The following CTIF variants were observed in gnomAD, a reference collection of about 807,000 sequenced individuals.
The protein encoded by CTIF is CBP80/20-dependent translation initiation factor.
A neutral mutation model predicts 66.0 loss-of-function variants in CTIF; 21 were observed. That is an observed-to-expected ratio of 0.32 (90% CI 0.23 to 0.46). CTIF has a LOEUF of 0.46. Among genes scored for constraint, CTIF ranks in the 20% least tolerant of loss-of-function variants. CTIF has a pLI of 1.00. For synonymous variants in CTIF, 345 were observed against 326.4 expected (o/e 1.06, Z -0.62); for missense variants, 739 against 812.7 (o/e 0.91, Z 1.10).
chr18:48,666,172 C>G (rs2144941266), intron 5 of CTIF, among the ~76,000 whole-genome samples: 1 of 152,206 alleles, frequency 6.6e-6, no homozygotes, highest in East Asian at 1.9e-4. Context: ...ACTGATGACC[C>G]TTACTTTTCC....
chr18:48,624,731 C>T (rs1320974448), intron 2 of CTIF, among the ~76,000 whole-genome samples: 1 of 152,190 alleles, frequency 6.6e-6, no homozygotes, highest in African/African-American at 2.4e-5. Flanking sequence ...CTCTGATTGC[C>T]ACAGTGGGAG....
At chr18:48,585,175 C>T (rs2089740047) in intron 1 of CTIF, among the ~76,000 whole-genome samples, 1 of 152,244 alleles carries the variant, frequency 6.6e-6, no homozygotes, top group South Asian at 2.1e-4. Flanking sequence ...TGTGCCAGGG[C>T]AGACCAAGCT....
intron 1 of CTIF, among the ~76,000 whole-genome samples, chr18:48,619,111 G>C (rs376407709): frequency 6.6e-6 from 1 of 152,250 alleles, no homozygotes; most frequent in Non-Finnish European, 1.5e-5. Flanking sequence ...TTTGTGTCTC[G>C]GGCCCCATTG....
At chr18:48,741,738 T>C (rs2092556558) in intron 7 of CTIF, among the ~76,000 whole-genome samples, 1 of 152,128 alleles carries the variant, frequency 6.6e-6, no homozygotes, top group African/African-American at 2.4e-5. Context: ...CAAGGCCATC[T>C]TTAAGAGGCC....
intron 10 of CTIF, among the ~76,000 whole-genome samples, chr18:48,854,362 C>T (rs898485301): frequency 2.6e-5 from 4 of 152,092 alleles, no homozygotes; most frequent in Admixed American, 2.0e-4. Flanking sequence ...GTCTAAACAC[C>T]AGCTATGGAG....
chr18:48,753,574 AAGC>A (rs1908044410), intron 7 of CTIF, among the ~76,000 whole-genome samples: 1 of 151,976 alleles, frequency 6.6e-6, no homozygotes. Context: ...ACGATGGAAA[AAGC>A]ATAAACCGAC....
At chr18:48,740,204 T>A (rs1175500449) in intron 7 of CTIF, among the ~76,000 whole-genome samples, 1 of 152,212 alleles carries the variant, frequency 6.6e-6, no homozygotes, top group African/African-American at 2.4e-5. Context: ...TTTCTCTCTC[T>A]GCTCAGCCCC....
chr18:48,796,427 T>C (rs1024142228), intron 9 of CTIF, among the ~76,000 whole-genome samples: 1 of 152,112 alleles, frequency 6.6e-6, no homozygotes, highest in Non-Finnish European at 1.5e-5. Flanking sequence ...CTGCCCGCCT[T>C]GGCCTCCCAA....
chr18:48,654,449 A>T (rs1353905861), intron 3 of CTIF, among the ~76,000 whole-genome samples: 1 of 152,188 alleles, frequency 6.6e-6, no homozygotes, highest in African/African-American at 2.4e-5. Context: ...AGTTAGAATG[A>T]CAATCATTAA....
chr18:48,620,693 G>T lies in CTIF; in HGVS notation c.180+948G>T, dbSNP rs979048340. Among the ~76,000 whole-genome samples, 5 of 152,274 alleles carry T rather than the reference G, an allele frequency of 3.3e-5. No homozygotes were observed. The East Asian group carries it at 7.7e-4, about 24-fold the overall frequency. ...AGTCCCCTGTCTTATCTGGAGTCAG[G>T]GTTCTGGGGATCCGCCTCTCGTGCG... is the stretch of plus-strand genomic sequence containing the variant. On this transcript the variant is annotated intron_variant, in intron 2 of 11. Coordinates refer to ENST00000256413, the MANE Select transcript of CTIF (RefSeq NM_014772.3).
In CTIF at chr18:48,663,742, T is replaced by C. The variant is rs1374306626; in HGVS notation, c.253-10T>C. On this transcript the variant is annotated splice_polypyrimidine_tract_variant and intron_variant, in intron 3 of 11. Transcript: ENST00000256413. ...ATTAATGTCAGCCCTTTCACCCCCA[T>C]CTCTTCCAGAATGGCAGCAAAGACA... 6.2e-7 allele frequency: 1 copy of C among 1,613,634 alleles called. No individual in the cohort carries two copies.
rs1235836968 is a variant in CTIF at position 48,859,828 on chromosome 18, T to C, written c.*269T>C. ...TTCCTGGTGGCCCTGGCCCTCCCCTTCCTCACTCCCGCCTCTCCCCTCCCC... is the reference window on the plus strand; with the variant it reads ...TTCCTGGTGGCCCTGGCCCTCCCCTCCCTCACTCCCGCCTCTCCCCTCCCC... On this transcript the variant is annotated 3_prime_UTR_variant, in exon 12 of 12. Coordinates refer to ENST00000256413, the MANE Select transcript of CTIF (RefSeq NM_014772.3). 4 of 626,544 alleles carry C rather than the reference T, an allele frequency of 6.4e-6. No homozygotes were observed. Among genetic ancestry groups the C allele is most frequent in the Non-Finnish European group, 1.2e-5 (4 of 336,036 alleles). The allele number at this position is 626,544 out of a possible 1,614,324, so 38.8% of individuals were successfully genotyped here.
At chr18:48,639,023 C>G (rs1482948502) in intron 3 of CTIF, among the ~76,000 whole-genome samples, 1 of 152,216 alleles carries the variant, frequency 6.6e-6, no homozygotes, top group Admixed American at 6.5e-5. Flanking sequence ...ATGTCTACTT[C>G]CGAGAAGTGG....
chr18:48,584,005 C>A (rs1401025459), intron 1 of CTIF, among the ~76,000 whole-genome samples: 1 of 152,154 alleles, frequency 6.6e-6, no homozygotes, highest in Non-Finnish European at 1.5e-5. Context: ...ACCCTTACAG[C>A]ACCTTTGTGA....
chr18:48,599,883 G>A (rs781305009), intron 1 of CTIF, among the ~76,000 whole-genome samples: 16 of 152,310 alleles, frequency 1.1e-4, no homozygotes, highest in South Asian at 8.3e-4. Context: ...AGAGGGTGCC[G>A]TGACCCAGCC....
chr18:48,664,687 C>A, intron 5 of CTIF, 136 bp downstream of exon 5: 1 of 692,220 alleles, frequency 1.4e-6, no homozygotes, highest in Non-Finnish European at 2.4e-6. Flanking sequence ...CTTATGCGTC[C>A]CAGAGCTGCA....
chr18:48,767,291 C>T (rs892966132), intron 9 of CTIF, among the ~76,000 whole-genome samples: 32 of 152,128 alleles, frequency 2.1e-4, no homozygotes, highest in Non-Finnish European at 3.4e-4. Flanking sequence ...AAGTGAAGAA[C>T]GAGTGTGCCT....
chr18:48,587,937 T>C (rs186935143), intron 1 of CTIF, among the ~76,000 whole-genome samples: 171 of 152,352 alleles, frequency 1.1e-3, no homozygotes, highest in African/African-American at 4.0e-3. Flanking sequence ...ACCAAAGGCA[T>C]CTTGGGGTCT....
At chr18:48,772,046 T>C (rs772367282) in intron 9 of CTIF, among the ~76,000 whole-genome samples, 7 of 152,142 alleles carry the variant, frequency 4.6e-5, no homozygotes, top group Admixed American at 2.6e-4. Context: ...GAGAGAGCAG[T>C]GGCCCCTGGG....
Sources: allele counts gnomAD v4.1 joint callset (sites outside exome capture counted in the v4.1 genomes callset), GRCh38; gene constraint gnomAD v4.1.1; transcripts MANE v1.5; gene names NCBI Gene and HGNC (gene_info 2026-07-23, HGNC 2026-07-21).